CARM1: variants seen among roughly 807,000 people sequenced by gnomAD.
The protein encoded by CARM1 is histone-arginine methyltransferase CARM1.
CARM1 carries 14 observed loss-of-function variants against 72.7 expected under a neutral mutation model. The ratio of observed to expected loss-of-function variants is 0.19; its 90% CI spans 0.13 to 0.30. The LOEUF (loss-of-function observed/expected upper bound fraction) is 0.30, where lower values mean the gene tolerates loss of function less well. Ranked by LOEUF, CARM1 falls within the 10% of genes least tolerant of loss-of-function variation. The pLI, the probability that CARM1 is intolerant of heterozygous loss-of-function variation, is 1.00. For missense variants in CARM1, 432 were observed against 833.7 expected (o/e 0.52, Z 5.93); for synonymous variants, 333 against 345.5 (o/e 0.96, Z 0.40).
At chr19:10,872,472 C>T (rs1002450771) in intron 1 of CARM1, among the ~76,000 whole-genome samples, 2 of 152,086 alleles carry the variant, frequency 1.3e-5, no homozygotes, top group Non-Finnish European at 2.9e-5. Context: ...CGTTCAGGAC[C>T]CCCGAATGGG....
At chr19:10,918,754 C>T (rs1440905582) in intron 8 of CARM1, among the ~76,000 whole-genome samples, 8 of 152,130 alleles carry the variant, frequency 5.3e-5, no homozygotes, top group Non-Finnish European at 1.2e-4. Context: ...GCTGAAAGGT[C>T]GAGGTGGCCG....
At chr19:10,897,814 C>T (rs1359502409) in intron 1 of CARM1, among the ~76,000 whole-genome samples, 2 of 152,024 alleles carry the variant, frequency 1.3e-5, no homozygotes, top group African/African-American at 2.4e-5. Context: ...GAGGTGAAAC[C>T]CTGTCTCTAG....
At chr19:10,902,814 TG>T (rs914139368) in intron 1 of CARM1, among the ~76,000 whole-genome samples, 10 of 152,102 alleles carry the variant, frequency 6.6e-5, no homozygotes, top group African/African-American at 2.4e-4. Context: ...TTCACCATGT[TG>T]CCCAGGCTGG....
intron 1 of CARM1, among the ~76,000 whole-genome samples, chr19:10,885,183 C>T (rs916696220): frequency 1.3e-5 from 2 of 152,204 alleles, no homozygotes; most frequent in Admixed American, 1.3e-4. Flanking sequence ...CTGTCTGTTC[C>T]TCTCATCATT....
intron 1 of CARM1, among the ~76,000 whole-genome samples, chr19:10,872,222 T>G (rs1599678810): frequency 2.0e-5 from 2 of 100,828 alleles, no homozygotes; most frequent in Admixed American, 1.2e-4. Flanking sequence ...GGGCTCTGAG[T>G]GGAAGGGGAA....
intron 1 of CARM1, among the ~76,000 whole-genome samples, chr19:10,872,534 G>A (rs978522282): frequency 1.3e-5 from 2 of 152,062 alleles, no homozygotes; most frequent in Non-Finnish European, 2.9e-5. Context: ...GGAGCCGCAG[G>A]GTGAGCTCCT....
At chr19:10,908,007 C>T (rs762396885) in intron 2 of CARM1, 32 bp from the exon 3 acceptor site, 15 of 1,447,026 alleles carry the variant, frequency 1.0e-5, no homozygotes, top group East Asian at 6.8e-5. Flanking sequence ...GGTTGCTGAC[C>T]GCCCCCCGGT....
Position 10,882,272 on chromosome 19 carries a change from G to GT in CARM1, c.220+10351dup, listed in dbSNP as rs146501818. Among the ~76,000 whole-genome samples the GT allele has an allele frequency of 4.6e-5, 7 of 152,308 alleles. No individual in the cohort carries two copies. In the East Asian group the frequency reaches 1.2e-3, roughly 25 times the overall value. The stretch of plus-strand genomic sequence containing the variant: ...GGCCTGGCATGGCCAAGGGCATGCA[G>GT]TGGGGGGGATGGGGAGGCAAGGGAC... On this transcript the variant is annotated intron_variant, in intron 1 of 15. Coordinates refer to ENST00000327064, the MANE Select transcript of CARM1 (RefSeq NM_199141.2).
At chr19:10,889,889 A>G (rs1193917721) in intron 1 of CARM1, among the ~76,000 whole-genome samples, 4 of 151,946 alleles carry the variant, frequency 2.6e-5, no homozygotes, top group African/African-American at 4.8e-5. Context: ...CCCCCATCCA[A>G]TCCCCTCCCC....
intron 1 of CARM1, among the ~76,000 whole-genome samples, chr19:10,877,890 G>A (rs1438176083): frequency 6.6e-6 from 1 of 152,156 alleles, no homozygotes; most frequent in Non-Finnish European, 1.5e-5. Flanking sequence ...GCCATGCCCA[G>A]CTAATTTTTT....
Position 10,922,012 on chromosome 19 carries a change from T to G in CARM1, c.*255T>G. Reference sequence around the variant, plus strand: ...TTGTGGGAGCCCTCGTCCCCCCTCCTGCCCGCTCTACCCTGACCTGGGCTT... The same window carrying G: ...TTGTGGGAGCCCTCGTCCCCCCTCCGGCCCGCTCTACCCTGACCTGGGCTT... On this transcript the variant is annotated 3_prime_UTR_variant, in exon 16 of 16. Transcript: ENST00000327064. 2.6e-6 allele frequency: 1 copy of G among 384,674 alleles called. No homozygotes were observed. Among genetic ancestry groups the G allele is most frequent in the East Asian group, 5.2e-5 (1 of 19,398 alleles). 23.8% of individuals were successfully genotyped at this position (384,674 alleles called of 1,614,324 possible).
chr19:10,914,161 G>A (rs1276218343), intron 6 of CARM1, 107 bp downstream of exon 6: 4 of 1,148,178 alleles, frequency 3.5e-6, no homozygotes, highest in African/African-American at 1.6e-5. Flanking sequence ...GTGGCCCGGG[G>A]TGTAGGGAAG....
At chr19:10,872,243 G>C (rs1443501836) in intron 1 of CARM1, among the ~76,000 whole-genome samples, 9 of 149,504 alleles carry the variant, frequency 6.0e-5, no homozygotes, top group African/African-American at 2.0e-4. Flanking sequence ...TTTGGAGGAC[G>C]CCAGGCGTGG....
At chr19:10,887,896 G>A (rs1276347175) in intron 1 of CARM1, among the ~76,000 whole-genome samples, 1 of 152,186 alleles carries the variant, frequency 6.6e-6, no homozygotes, top group African/African-American at 2.4e-5. Flanking sequence ...TCCTCTGGGT[G>A]AGGCCCTTTT....
At chr19:10,873,623 A>ATTT (rs2073837308) in intron 1 of CARM1, among the ~76,000 whole-genome samples, 1 of 52,258 alleles carries the variant, frequency 1.9e-5, no homozygotes, top group East Asian at 7.7e-4. Flanking sequence ...ATTTTAGTTT[A>ATTT]GTTTTTTTTT....
At chr19:10,897,135 T>C (rs2145209981) in intron 1 of CARM1, among the ~76,000 whole-genome samples, 1 of 152,208 alleles carries the variant, frequency 6.6e-6, no homozygotes, top group South Asian at 2.1e-4. Flanking sequence ...CGCAGAGACA[T>C]TGGGTGGTGC....
chr19:10,916,922 A>G lies in CARM1; in HGVS notation c.1020+145A>G, dbSNP rs1384862391. On this transcript the variant is annotated intron_variant, in intron 8 of 15. Coordinates refer to ENST00000327064, the MANE Select transcript of CARM1 (RefSeq NM_199141.2). This position sits in a 1 kb window ranked among gnomAD's most constrained non-coding sequence, Gnocchi z 4.4. Reference sequence around the variant, plus strand: ...CACAGAGATTTGGGCCAAAAGTGTCAATGCATGTAGACACTTAGCACACAG... The same window carrying G: ...CACAGAGATTTGGGCCAAAAGTGTCGATGCATGTAGACACTTAGCACACAG... 1 of 613,044 alleles carries G rather than the reference A, an allele frequency of 1.6e-6. No homozygotes were observed. The highest frequency in any genetic ancestry group is 2.9e-6 in the Non-Finnish European group (1 of 343,898). The allele number at this position is 613,044 out of a possible 1,614,324, so 38.0% of individuals were successfully genotyped here.
chr19:10,911,698 A>G (rs2074151701), intron 4 of CARM1, among the ~76,000 whole-genome samples: 1 of 152,216 alleles, frequency 6.6e-6, no homozygotes, highest in Admixed American at 6.5e-5. Context: ...GGACTCTGCC[A>G]TGAGTGACCA....
rs1599706647 is a variant in CARM1 at position 10,912,356 on chromosome 19, A to C, written c.669+62A>C. 1.6e-6 allele frequency: 2 copies of C among 1,262,896 alleles called. No individual in the cohort carries two copies. Among genetic ancestry groups the C allele is most frequent in the East Asian group, 4.6e-5 (2 of 43,032 alleles). 78.2% of individuals were successfully genotyped at this position (1,262,896 alleles called of 1,614,324 possible). On this transcript the variant is annotated intron_variant, in intron 5 of 15. Transcript: ENST00000327064. The surrounding 1 kb of genome is among the most constrained non-coding windows in gnomAD (Gnocchi z 4.5). ...CGCCCATGAGTGCCATGCCGGCCCC[A>C]GCCTAGAGAAGCTTGGGAACCCCCA...
Sources: gnomAD v4.1 joint callset for allele counts (sites outside exome capture counted in the v4.1 genomes callset) on GRCh38, gnomAD v4.1.1 for gene constraint, Gnocchi (gnomAD v3.1) non-coding constraint, MANE v1.5 for transcripts, NCBI Gene and HGNC (gene_info 2026-07-23, HGNC 2026-07-21) for gene names.